PRRC2B: variants seen among roughly 807,000 people sequenced by gnomAD.
PRRC2B encodes the protein proline rich coiled-coil 2B.
Under a neutral mutation model 242.3 loss-of-function variants are expected in PRRC2B, and 68 were observed. The observed-to-expected ratio is 0.28, with a 90% confidence interval of 0.23 to 0.34. The LOEUF is 0.34. PRRC2B is among the 10% of genes least tolerant of loss of function. The probability of loss-of-function intolerance (pLI) is 1.00; values close to 1 mark genes in which losing one functional copy is unlikely to be tolerated. For missense variants in PRRC2B, 2,835 were observed against 2,954.8 expected, an observed-to-expected ratio of 0.96 and a Z score of 0.94; for synonymous variants, 1,228 against 1,173.6, an observed-to-expected ratio of 1.05 and a Z score of -0.95.
intron 8 of PRRC2B, 70 bp downstream of exon 8, chr9:131,447,276 C>A: frequency 1.3e-6 from 2 of 1,575,536 alleles, no homozygotes; most frequent in Non-Finnish European, 8.7e-7. Flanking sequence ...AGATGAGGGG[C>A]TGATGAATAG....
At chr9:131,415,965 C>T (rs1837637251) in intron 1 of PRRC2B, among the ~76,000 whole-genome samples, 1 of 152,004 alleles carries the variant, frequency 6.6e-6, no homozygotes, top group African/African-American at 2.4e-5. Context: ...CCCACCCCAC[C>T]CCCATGTTTC....
At chr9:131,479,478 G>C in intron 19 of PRRC2B, 85 bp downstream of exon 19, 1 of 1,342,902 alleles carries the variant, frequency 7.4e-7, no homozygotes, top group Non-Finnish European at 1.0e-6. Flanking sequence ...TCCTGCTTTT[G>C]AGCTACGAAT....
intron 10 of PRRC2B, among the ~76,000 whole-genome samples, chr9:131,456,958 G>A (rs1278915384): frequency 2.0e-5 from 3 of 152,076 alleles, no homozygotes; most frequent in African/African-American, 7.2e-5. Flanking sequence ...GTTTTATATT[G>A]TTTAGATGTT....
At chr9:131,397,468 ATTAAT>A (rs2131277962) in intron 1 of PRRC2B, among the ~76,000 whole-genome samples, 1 of 148,146 alleles carries the variant, frequency 6.8e-6, no homozygotes, top group East Asian at 2.0e-4. Context: ...GATTTTTGTT[ATTAAT>A]TTTTTTTTTC....
chr9:131,495,795 C>G lies in PRRC2B; in HGVS notation c.6611C>G (p.Ala2204Gly). ...CTGGGAGCCGTGAAGCTGCAGGAGG[C>G]CCCCTCGGCTGCCTCCCAGATGAAG... ...PSLGAVKLQEAPSAASQMKRT... is the reference protein window; with the variant it reads ...PSLGAVKLQEGPSAASQMKRT... Residue 2204 changes from alanine to glycine, a missense_variant, in exon 32 of 32, where the codon GCC (alanine) becomes GGC (glycine). Transcript: ENST00000683519. 6.2e-7 allele frequency: 1 copy of G among 1,612,868 alleles called. No homozygotes were observed. Among genetic ancestry groups the G allele is most frequent in the Non-Finnish European group, 8.5e-7 (1 of 1,179,016 alleles).
At chr9:131,426,053 T>C (rs990714139) in intron 1 of PRRC2B, among the ~76,000 whole-genome samples, 1 of 151,690 alleles carries the variant, frequency 6.6e-6, no homozygotes, top group Non-Finnish European at 1.5e-5. Flanking sequence ...AATCATTCGA[T>C]GTTGCCAGGC....
intron 12 of PRRC2B, 54 bp downstream of exon 12, chr9:131,465,132 T>C (rs1164441149): frequency 2.0e-6 from 3 of 1,511,936 alleles, no homozygotes; most frequent in African/African-American, 2.8e-5. Context: ...GTTGTCCTCG[T>C]CTTGTTACTT....
At chr9:131,472,416 T>A (rs1943571697) in intron 14 of PRRC2B, among the ~76,000 whole-genome samples, 1 of 151,708 alleles carries the variant, frequency 6.6e-6, no homozygotes, top group East Asian at 1.9e-4. Flanking sequence ...GCGATTCTTC[T>A]GCCTCAGCCT....
rs575238068 is a variant in PRRC2B, at chr9:131,436,652, C to T, written c.326C>T (p.Ser109Leu). ...SSATASQPPE[S>L]LPQPGLQKSV... ...GCGACGGCCTCTCAGCCGCCGGAGT[C>T]GCTGCCGCAGCCGGGTTTGCAGAAA... The change falls in exon 4 of 32, where the codon TCG becomes TTG. Residue 109 changes from serine (S) to leucine (L), a missense_variant. Ser to Leu is a moderately radical substitution (Grantham distance 145, BLOSUM62 -2). Around this residue, in one of 7 missense-constraint regions of PRRC2B, gnomAD observed 626 missense variants for 685.5 expected, o/e 0.91. Coordinates refer to ENST00000683519, the MANE Select transcript of PRRC2B (RefSeq NM_013318.4). The T allele has an allele frequency of 9.9e-6, 16 of 1,613,994 alleles. No homozygotes were observed. Among genetic ancestry groups the T allele is most frequent in the East Asian group, 2.2e-5 (1 of 44,886 alleles).
At chr9:131,465,628 T>G (rs1943375326) in intron 12 of PRRC2B, among the ~76,000 whole-genome samples, 1 of 152,240 alleles carries the variant, frequency 6.6e-6, no homozygotes, top group Admixed American at 6.5e-5. Flanking sequence ...GCTCTAGGAC[T>G]TTAATAAAAC....
In PRRC2B at chr9:131,492,205, G is replaced by A. The variant is rs762525849; in HGVS notation, c.6418G>A (p.Asp2140Asn). Residue 2140 changes from aspartate to asparagine, a missense_variant, in exon 30 of 32, where the codon GAC becomes AAC. Transcript: ENST00000683519. The part of the protein sequence containing the change: ...QMEMKGFHFA[D>N]SKQNVPSGGP... ...GGAGATGAAAGGCTTCCACTTTGCCGACAGTAAACAGAATGTCCCTTCAGG... is the reference window on the plus strand; with the variant it reads ...GGAGATGAAAGGCTTCCACTTTGCCAACAGTAAACAGAATGTCCCTTCAGG... 4.0e-5 allele frequency: 64 copies of A among 1,613,716 alleles called. No individual in the cohort carries two copies. The highest frequency in any genetic ancestry group is 5.1e-5 in the Non-Finnish European group (60 of 1,179,856).
chr9:131,391,320 T>C (rs1588234994), upstream of PRRC2B, among the ~76,000 whole-genome samples: 1 of 152,054 alleles, frequency 6.6e-6, no homozygotes, highest in Admixed American at 6.6e-5. Context: ...GGGCGTGAGG[T>C]CCTGCGTCAT....
At chr9:131,412,443 A>G (rs1412580187) in intron 1 of PRRC2B, among the ~76,000 whole-genome samples, 1 of 152,178 alleles carries the variant, frequency 6.6e-6, no homozygotes, top group Non-Finnish European at 1.5e-5. Flanking sequence ...AGTTCTTCCA[A>G]ACAATGCTGC....
chr9:131,416,513 T>A (rs1290324160), intron 1 of PRRC2B, among the ~76,000 whole-genome samples: 3 of 152,184 alleles, frequency 2.0e-5, no homozygotes, highest in Non-Finnish European at 4.4e-5. Context: ...ATTAAACACA[T>A]CTTATGTTAG....
At chr9:131,417,313 T>TG (rs900197928) in intron 1 of PRRC2B, among the ~76,000 whole-genome samples, 6 of 152,106 alleles carry the variant, frequency 3.9e-5, no homozygotes, top group South Asian at 4.2e-4. Flanking sequence ...TTCACTTTTT[T>TG]GGGGGGTCTC....
At chr9:131,476,605 T>C in intron 16 of PRRC2B, 70 bp downstream of exon 16, 1 of 1,380,608 alleles carries the variant, frequency 7.2e-7, no homozygotes, top group Non-Finnish European at 9.7e-7. Context: ...AGTTCACGCA[T>C]GCATGCCGAT....
At chr9:131,415,128 G>A (rs961092697) in intron 1 of PRRC2B, among the ~76,000 whole-genome samples, 1 of 151,920 alleles carries the variant, frequency 6.6e-6, no homozygotes, top group Non-Finnish European at 1.5e-5. Context: ...TGAGTAGCTG[G>A]GACTACAGGT....
intron 18 of PRRC2B, 30 bp downstream of exon 18, chr9:131,478,649 G>GCCCGGGGC: frequency 1.2e-5 from 6 of 504,556 alleles, no homozygotes; most frequent in Non-Finnish European, 2.4e-5. Context: ...GGGGCATGGG[G>GCCCGGGGC]CTGGAGGGCA....
chr9:131,379,914 G>T (rs1290536720), intron 1 of PRRC2B, among the ~76,000 whole-genome samples: 1 of 150,208 alleles, frequency 6.7e-6, no homozygotes, highest in African/African-American at 2.4e-5. Context: ...GTCAGCTACC[G>T]CACCCAGCCA....
Sources: gnomAD v4.1 joint callset for allele counts (sites outside exome capture counted in the v4.1 genomes callset) on GRCh38, gnomAD v4.1.1 for gene constraint, gnomAD v4.1.1 regional missense constraint, MANE v1.5 for transcripts, NCBI Gene and HGNC (gene_info 2026-07-23, HGNC 2026-07-21) for gene names.